Variants in BLM observed in about 807,000 individuals in gnomAD.
BLM encodes the protein recQ-like DNA helicase BLM.
BLM carries 95 observed loss-of-function variants against 135.3 expected under a neutral mutation model. The observed-to-expected ratio is 0.70, with a 90% CI of 0.59 to 0.83. The LOEUF is 0.83. Among genes scored for constraint, BLM ranks in the 40% least tolerant of loss-of-function variants. The pLI, the probability that BLM is intolerant of heterozygous loss-of-function variation, is 0.00. For synonymous variants in BLM, 520 were observed against 589.2 expected (o/e 0.88, Z 1.70); for missense variants, 1,518 against 1,663.9 (o/e 0.91, Z 1.53).
In BLM at chr15:90,808,713, T is replaced by TCTGTACTA. The variant is rs548617707; in HGVS notation, c.3752-424_3752-423insCTGTACTA. On this transcript the variant is annotated intron_variant, in intron 19 of 21. Coordinates refer to ENST00000355112, the MANE Select transcript of BLM (RefSeq NM_000057.4). ...TTTGGTTATGCCGTCTAGGGTGGGG[T>TCTGTACTA]GTACAAGTCTGGAGTGCAGAGAAGA... The TCTGTACTA allele has an allele frequency of 2.2e-4, 59 of 270,048 alleles. 2 individuals carry two copies. The South Asian group carries it at 2.4e-3, about 11-fold the overall frequency. 16.7% of individuals were successfully genotyped at this position (270,048 alleles called of 1,614,324 possible). A position where few individuals can be genotyped will look rare whatever the true frequency, so the allele number is the denominator to read the frequency against.
chr15:90,724,116 G>A (rs1894844614), intron 1 of BLM, among the ~76,000 whole-genome samples: 1 of 152,066 alleles, frequency 6.6e-6, no homozygotes, highest in Non-Finnish European at 1.5e-5. Context: ...GGGCTCAGAT[G>A]ATCCTTCTGC....
At chr15:90,746,468 A>G (rs143094770) in intron 1 of BLM, among the ~76,000 whole-genome samples, 3 of 152,330 alleles carry the variant, frequency 2.0e-5, no homozygotes, top group African/African-American at 2.4e-5. Context: ...AGATTTCTCA[A>G]TTGGATGTAA....
In BLM at chr15:90,747,795, GTTTGT is replaced by G. The variant is rs202233090; in HGVS notation, c.98+324_98+328del. ...TTTTTAAGTTTTGGGGGGTTTTTTT[GTTTGT>G]TTTGTTTTGTTTTGTTTTTTCTTTT... On this transcript the variant is annotated intron_variant, in intron 2 of 21. Coordinates refer to ENST00000355112, the MANE Select transcript of BLM (RefSeq NM_000057.4). 3.7e-3 allele frequency: 1,200 copies of G among 328,048 alleles called. 15 individuals are homozygous for G. Among genetic ancestry groups the G allele is most frequent in the East Asian group, 0.022 (316 of 14,520 alleles). 20.3% of individuals were successfully genotyped at this position (328,048 alleles called of 1,614,324 possible).
At chr15:90,748,498 C>G (rs1049504892) in intron 2 of BLM, among the ~76,000 whole-genome samples, 2 of 152,144 alleles carry the variant, frequency 1.3e-5, no homozygotes, top group African/African-American at 4.8e-5. Flanking sequence ...AAGCTATACT[C>G]CAGACTCCTT....
intron 16 of BLM, among the ~76,000 whole-genome samples, chr15:90,794,807 A>G (rs1896992014): frequency 7.9e-6 from 1 of 127,112 alleles, no homozygotes; most frequent in African/African-American, 3.7e-5. Context: ...TAATTAATAT[A>G]CTAAAAATCT....
At chr15:90,742,602 CTCTCTT>C (rs1485126909) in intron 1 of BLM, among the ~76,000 whole-genome samples, 8 of 152,118 alleles carry the variant, frequency 5.3e-5, no homozygotes, top group Non-Finnish European at 7.4e-5. Flanking sequence ...CTCTCTCTCT[CTCTCTT>C]TTTTTTTTAA....
chr15:90,758,215 C>CG (rs1895870631), intron 5 of BLM, among the ~76,000 whole-genome samples: 1 of 149,420 alleles, frequency 6.7e-6, no homozygotes, highest in South Asian at 2.3e-4. Flanking sequence ...AGGGCTGGCA[C>CG]GGTGGCTCAC....
At chr15:90,795,272 A>G (rs1342896834) in intron 16 of BLM, among the ~76,000 whole-genome samples, 1 of 152,208 alleles carries the variant, frequency 6.6e-6, no homozygotes, top group Non-Finnish European at 1.5e-5. Context: ...TGAGGTCAAG[A>G]GTTCAAGACC....
intron 5 of BLM, among the ~76,000 whole-genome samples, chr15:90,755,861 G>A (rs368664715): frequency 7.2e-5 from 11 of 151,880 alleles, no homozygotes; most frequent in East Asian, 1.9e-4. Flanking sequence ...TATCTCTGTC[G>A]TGCATTCGAG....
chr15:90,742,085 ATC>A (rs776172395), intron 1 of BLM, among the ~76,000 whole-genome samples: 2 of 152,178 alleles, frequency 1.3e-5, no homozygotes, highest in African/African-American at 2.4e-5. Flanking sequence ...TCTGTCAAAA[ATC>A]TCTCTTTGTC....
At chr15:90,790,945 A>G in intron 15 of BLM, 101 bp downstream of exon 15, 1 of 1,226,318 alleles carries the variant, frequency 8.2e-7, no homozygotes, top group Non-Finnish European at 1.2e-6. Flanking sequence ...TTCCTTAAAT[A>G]ATCGTAGAAA....
intron 3 of BLM, 114 bp from the exon 4 acceptor site, chr15:90,751,673 G>A (rs768940349): frequency 2.8e-5 from 23 of 825,056 alleles, no homozygotes; most frequent in Non-Finnish European, 4.0e-6. Flanking sequence ...TCCATACAAA[G>A]TGGTGTGATT....
Position 90,747,374 on chromosome 15 carries a change from T to TCCCTCA in BLM, c.-4-13_-4-8dup. The stretch of plus-strand genomic sequence containing the variant: ...GTACCTAACTCCACTGATTTCTTTT[T>TCCCTCA]CCCTCACTTTTTAGGATTATGGCTG... On this transcript the variant is annotated splice_polypyrimidine_tract_variant and intron_variant, in intron 1 of 21. Coordinates refer to ENST00000355112, the MANE Select transcript of BLM (RefSeq NM_000057.4). 1.3e-6 allele frequency: 2 copies of TCCCTCA among 1,585,354 alleles called. No individual in the cohort carries two copies. Among genetic ancestry groups the TCCCTCA allele is most frequent in the Non-Finnish European group, 1.7e-6 (2 of 1,157,652 alleles).
chr15:90,814,452 G>A (rs1170502912), intron 21 of BLM, among the ~76,000 whole-genome samples: 1 of 152,190 alleles, frequency 6.6e-6, no homozygotes, highest in East Asian at 1.9e-4. Context: ...CTTCTTCCTT[G>A]GCTTTAGAAG....
chr15:90,797,283 G>A (rs1475611689), intron 16 of BLM, among the ~76,000 whole-genome samples: 1 of 151,906 alleles, frequency 6.6e-6, no homozygotes, highest in Non-Finnish European at 1.5e-5. Context: ...GGGCATGGTG[G>A]CAGGTGCCTG....
At chr15:90,720,677 G>C (rs1398856134) in intron 1 of BLM, among the ~76,000 whole-genome samples, 1 of 151,652 alleles carries the variant, frequency 6.6e-6, no homozygotes, top group South Asian at 2.1e-4. Flanking sequence ...AGCCTCCCGG[G>C]CTCAAGTGAT....
At chr15:90,803,906 C>T (rs528613690) in intron 18 of BLM, among the ~76,000 whole-genome samples, 186 bp downstream of exon 18, 3 of 152,038 alleles carry the variant, frequency 2.0e-5, no homozygotes, top group Admixed American at 6.5e-5. Flanking sequence ...AATATGACAC[C>T]TGTCAAAAGT....
intron 1 of BLM, among the ~76,000 whole-genome samples, chr15:90,722,887 C>A (rs1655455072): frequency 1.3e-5 from 2 of 152,158 alleles, no homozygotes; most frequent in Non-Finnish European, 2.9e-5. Context: ...GTTGCCCATT[C>A]TGGAGTGCAG....
intron 10 of BLM, among the ~76,000 whole-genome samples, chr15:90,768,712 G>A (rs1896206576): frequency 6.6e-6 from 1 of 152,074 alleles, no homozygotes; most frequent in African/African-American, 2.4e-5. Context: ...AATTTTATAT[G>A]GAGGTGTTTT....
Sources: allele counts gnomAD v4.1 joint callset (sites outside exome capture counted in the v4.1 genomes callset), GRCh38; gene constraint gnomAD v4.1.1; transcripts MANE v1.5; gene names NCBI Gene and HGNC (gene_info 2026-07-23, HGNC 2026-07-21).